The following TECRL variants were observed in gnomAD, a reference collection of about 807,000 sequenced individuals.
TECRL encodes trans-2,3-enoyl-CoA reductase like, also known as trans-2,3-enoyl-CoA reductase-like.
A neutral mutation model predicts 52.8 loss-of-function variants in TECRL; 63 were observed. The observed-to-expected ratio is 1.19, with a 90% CI of 0.97 to 1.47. The LOEUF (loss-of-function observed/expected upper bound fraction) is 1.47. Ranked by LOEUF, TECRL falls within the 40% of genes most tolerant of loss-of-function variation. The pLI, the probability that TECRL is intolerant of heterozygous loss-of-function variation, is 0.00. For synonymous variants in TECRL, 164 were observed against 141.9 expected, an observed-to-expected ratio of 1.16 and a Z score of -1.10; for missense variants, 482 against 429.6, an observed-to-expected ratio of 1.12 and a Z score of -1.08.
At chr4:64,408,179 A>C (rs1232674454) in intron 1 of TECRL, among the ~76,000 whole-genome samples, 2 of 151,882 alleles carry the variant, frequency 1.3e-5, no homozygotes, top group African/African-American at 4.8e-5. Flanking sequence ...GGCAATTATT[A>C]AAGAAAGGAC....
At chr4:64,358,498 G>A (rs546013711) in intron 2 of TECRL, among the ~76,000 whole-genome samples, 2 of 151,594 alleles carry the variant, frequency 1.3e-5, no homozygotes, top group African/African-American at 2.4e-5. Context: ...GATAGGAAAA[G>A]GTATTGGAGA....
chr4:64,286,832 T>G (rs1463111343), intron 9 of TECRL, among the ~76,000 whole-genome samples: 1 of 152,162 alleles, frequency 6.6e-6, no homozygotes, highest in Non-Finnish European at 1.5e-5. Flanking sequence ...CATTTTCAAA[T>G]GATGACACTA....
chr4:64,403,873 C>CAAA (rs67265016), intron 1 of TECRL, among the ~76,000 whole-genome samples: 2 of 146,930 alleles, frequency 1.4e-5, no homozygotes, highest in African/African-American at 5.1e-5. Context: ...AAAAGAAAGA[C>CAAA]AAAAAAAAAA....
chr4:64,405,294 A>G (rs560394225), intron 1 of TECRL, among the ~76,000 whole-genome samples: 53 of 152,218 alleles, frequency 3.5e-4, no homozygotes, highest in Middle Eastern at 3.4e-3. Flanking sequence ...TTGTTAGTAG[A>G]GGATATATTG....
chr4:64,305,454 G>T (rs1724274112), intron 6 of TECRL, among the ~76,000 whole-genome samples: 1 of 152,110 alleles, frequency 6.6e-6, no homozygotes, highest in Non-Finnish European at 1.5e-5. Flanking sequence ...GAGGAACCAG[G>T]TAGGGGCTGG....
intron 2 of TECRL, among the ~76,000 whole-genome samples, chr4:64,343,932 T>TA (rs1302587731): frequency 1.1e-4 from 17 of 151,878 alleles, no homozygotes; most frequent in Admixed American, 3.3e-4. Context: ...GAAAGCTTTT[T>TA]AAAAAAATAC....
intron 8 of TECRL, among the ~76,000 whole-genome samples, chr4:64,296,897 T>C (rs1171212451): frequency 6.6e-6 from 1 of 151,582 alleles, no homozygotes; most frequent in Non-Finnish European, 1.5e-5. Context: ...TCTTCATAAA[T>C]TTGCCTGTAT....
At chr4:64,371,849 A>G (rs2109662388) in intron 2 of TECRL, among the ~76,000 whole-genome samples, 1 of 151,834 alleles carries the variant, frequency 6.6e-6, no homozygotes, top group African/African-American at 2.4e-5. Context: ...CTATGATTTT[A>G]TTTTTCAACA....
chr4:64,290,490 T>C (rs1324262940), intron 8 of TECRL, among the ~76,000 whole-genome samples: 1 of 152,154 alleles, frequency 6.6e-6, no homozygotes, highest in Non-Finnish European at 1.5e-5. Flanking sequence ...TAACAGAACA[T>C]GTTATTCAAA....
intron 2 of TECRL, among the ~76,000 whole-genome samples, chr4:64,362,091 G>A (rs897628461): frequency 6.6e-6 from 1 of 152,120 alleles, no homozygotes; most frequent in African/African-American, 2.4e-5. Context: ...TGACCAAGCT[G>A]AGAAAAGAAT....
chr4:64,328,494 G>C lies in TECRL; in HGVS notation c.331+18C>G, dbSNP rs77910560. On this transcript the variant is annotated intron_variant, in intron 3 of 11. Coordinates refer to ENST00000381210, the MANE Select transcript of TECRL (RefSeq NM_001010874.5). ...GATTATAAATTAAATAAACACATCAGTGAAAAATGCTTCTTACCACATTCT... is the reference window on the plus strand; with the variant it reads ...GATTATAAATTAAATAAACACATCACTGAAAAATGCTTCTTACCACATTCT... 6.2e-7 allele frequency: 1 copy of C among 1,606,298 alleles called. No homozygotes were observed. Among genetic ancestry groups the C allele is most frequent in the Non-Finnish European group, 8.5e-7 (1 of 1,174,238 alleles).
At chr4:64,389,027 G>T (rs539583494) in intron 1 of TECRL, among the ~76,000 whole-genome samples, 1 of 151,672 alleles carries the variant, frequency 6.6e-6, no homozygotes, top group African/African-American at 2.4e-5. Context: ...GGTTTTTCCA[G>T]ACCAATTATT....
chr4:64,307,671 T>G (rs1724419915), intron 6 of TECRL, among the ~76,000 whole-genome samples: 1 of 152,178 alleles, frequency 6.6e-6, no homozygotes. Flanking sequence ...TAATGTTCAC[T>G]CTGGGCAAGC....
chr4:64,378,094 A>G (rs1722525586), intron 1 of TECRL, among the ~76,000 whole-genome samples: 1 of 152,146 alleles, frequency 6.6e-6, no homozygotes. Context: ...AAATAATTAG[A>G]TATAGTGGTG....
chr4:64,397,189 T>G (rs1174406610), intron 1 of TECRL, among the ~76,000 whole-genome samples: 1 of 152,130 alleles, frequency 6.6e-6, no homozygotes, highest in Non-Finnish European at 1.5e-5. Flanking sequence ...GAGATTGCCT[T>G]CATTCATTAT....
intron 2 of TECRL, among the ~76,000 whole-genome samples, chr4:64,355,653 T>C (rs1720714276): frequency 1.3e-5 from 2 of 151,022 alleles, no homozygotes; most frequent in African/African-American, 2.4e-5. Flanking sequence ...AAAAAAAAAA[T>C]TAGCCGGGCA....
intron 1 of TECRL, among the ~76,000 whole-genome samples, chr4:64,393,092 G>A (rs113086457): frequency 5.3e-5 from 8 of 151,856 alleles, no homozygotes; most frequent in African/African-American, 1.9e-4. Context: ...AATAGTGATT[G>A]GTTGATGATG....
intron 3 of TECRL, among the ~76,000 whole-genome samples, chr4:64,327,586 C>A (rs79127992): frequency 5.9e-5 from 9 of 152,000 alleles, no homozygotes; most frequent in Non-Finnish European, 1.3e-4. Flanking sequence ...TTGTCTTGAA[C>A]ATTTGAGCAA....
chr4:64,298,916 T>C (rs1723845156), intron 8 of TECRL: 1 of 151,192 alleles, frequency 6.6e-6, no homozygotes, highest in Non-Finnish European at 1.5e-5. Flanking sequence ...GTATACAACA[T>C]TAAATAACGC....
Sources: allele counts gnomAD v4.1 joint callset (sites outside exome capture counted in the v4.1 genomes callset), GRCh38; gene constraint gnomAD v4.1.1; transcripts MANE v1.5; gene names NCBI Gene and HGNC (gene_info 2026-07-23, HGNC 2026-07-21).